Variants in MORN3 observed in about 807,000 individuals in gnomAD.
MORN3 encodes MORN repeat-containing protein 3.
In MORN3, 38 loss-of-function variants were observed where a neutral mutation model predicts 34.7. The ratio of observed to expected loss-of-function variants is 1.10; its 90% CI spans 0.85 to 1.44. The LOEUF is 1.44. MORN3 is among the 40% of genes most tolerant of loss of function. The pLI is 0.00. For missense variants in MORN3, 311 were observed against 321.7 expected (o/e 0.97, Z 0.25); for synonymous variants, 109 against 115.3 (o/e 0.95, Z 0.35).
intron 2 of MORN3, among the ~76,000 whole-genome samples, chr12:121,657,213 G>A (rs914090778): frequency 1.9e-4 from 29 of 152,116 alleles, no homozygotes; most frequent in Non-Finnish European, 2.9e-4. Context: ...TCTTGCCTGG[G>A]GACTAGATTG....
At chr12:121,660,343 C>T (rs75876641) in intron 1 of MORN3, among the ~76,000 whole-genome samples, 41 of 130,358 alleles carry the variant, frequency 3.1e-4, no homozygotes, top group Non-Finnish European at 5.6e-4. Context: ...CTTTTTTTTT[C>T]TTTCTTTCTT....
chr12:121,652,670 C>T, intron 5 of MORN3, 58 bp downstream of exon 5: 1 of 1,531,204 alleles, frequency 6.5e-7, no homozygotes, highest in Non-Finnish European at 9.0e-7. Flanking sequence ...GTGCATTGTT[C>T]TGGGCCCTGG....
At position 121,652,800 on chromosome 12, in the gene MORN3, G is replaced by A. The variant is rs782373555; in HGVS notation, c.657C>T (p.Ile219=). Residue 219 remains isoleucine (I), a synonymous_variant, in exon 5 of 6, where the codon ATC becomes ATT. Coordinates refer to ENST00000355329, the MANE Select transcript of MORN3 (RefSeq NM_173855.5). ...CCGCCAGCACACCATCAGGGTCTAG[G>A]ATTTTGACCTGGAGGGAAATACCAA... ...PTQFPIPEVK[I]LDPDGVLAEA... The A allele has an allele frequency of 2.5e-6, 4 of 1,614,238 alleles. No individual in the cohort carries two copies. In the South Asian group the frequency reaches 4.4e-5, roughly 18 times the overall value.
intron 1 of MORN3, among the ~76,000 whole-genome samples, chr12:121,665,147 A>G (rs1161253905): frequency 6.6e-6 from 1 of 151,938 alleles, no homozygotes; most frequent in African/African-American, 2.4e-5. Context: ...GGCATCCAAC[A>G]GTCGAGTTAG....
rs1403545319 is a variant in MORN3 at position 121,650,417 on chromosome 12, T to G, written c.*1234A>C. 1 of 148,496 alleles carries G rather than the reference T, an allele frequency of 6.7e-6. No individual in the cohort carries two copies. Among genetic ancestry groups the G allele is most frequent in the Non-Finnish European group, 1.5e-5 (1 of 67,658 alleles). 9.2% of individuals were successfully genotyped at this position (148,496 alleles called of 1,614,324 possible). On this transcript the variant is annotated 3_prime_UTR_variant, in exon 6 of 6. Transcript: ENST00000355329. ...GGCAGGTGCCTGTAATCCCAGCTAC[T>G]TGGGAGGCTGAGGCAGGATAATCGC...
At chr12:121,670,272 C>G (rs1240774228), upstream of MORN3, among the ~76,000 whole-genome samples, 2 of 152,044 alleles carry the variant, frequency 1.3e-5, no homozygotes, top group Non-Finnish European at 2.9e-5. Flanking sequence ...ATAGGCAGAG[C>G]AAAAGCTGGG....
intron 1 of MORN3, 112 bp downstream of exon 1, chr12:121,669,227 C>T: frequency 1.4e-6 from 2 of 1,427,580 alleles, no homozygotes; most frequent in Admixed American, 1.8e-5. Flanking sequence ...CCTGGGGGAG[C>T]CTTGGGGACA....
chr12:121,669,175 C>T (rs1893867855), intron 1 of MORN3, among the ~76,000 whole-genome samples, 164 bp downstream of exon 1: 1 of 152,192 alleles, frequency 6.6e-6, no homozygotes, highest in Non-Finnish European at 1.5e-5. Context: ...TTCAGAAGCC[C>T]CAGCATGTGA....
At chr12:121,657,158 A>G (rs1482631123) in intron 2 of MORN3, among the ~76,000 whole-genome samples, 1 of 152,228 alleles carries the variant, frequency 6.6e-6, no homozygotes, top group African/African-American at 2.4e-5. Flanking sequence ...CTTATAGTTT[A>G]TAGTTTAAAC....
At chr12:121,664,615 C>T (rs948281782) in intron 1 of MORN3, among the ~76,000 whole-genome samples, 1 of 152,052 alleles carries the variant, frequency 6.6e-6, no homozygotes, top group African/African-American at 2.4e-5. Context: ...AAAAATTAAC[C>T]GGGCATGGTA....
chr12:121,662,742 CT>C (rs1893621103), intron 1 of MORN3, among the ~76,000 whole-genome samples: 1 of 141,236 alleles, frequency 7.1e-6, no homozygotes, highest in African/African-American at 2.7e-5. Context: ...AAGAGTGAGA[CT>C]GAAAAAAAAA....
At chr12:121,672,136 G>A (rs935941780), upstream of MORN3, among the ~76,000 whole-genome samples, 1 of 152,160 alleles carries the variant, frequency 6.6e-6, no homozygotes, top group African/African-American at 2.4e-5. Context: ...GGAAATGAAA[G>A]TCGGCCCAGG....
chr12:121,653,376 G>A, intron 3 of MORN3, 117 bp from the exon 4 acceptor site: 1 of 1,056,696 alleles, frequency 9.5e-7, no homozygotes, highest in Non-Finnish European at 1.3e-6. Flanking sequence ...CAAGATGGGA[G>A]GCTCATAAGC....
In MORN3 at chr12:121,652,720, C is replaced by T; in HGVS notation, c.*6+8G>A. The stretch of plus-strand genomic sequence containing the variant: ...CATCAGAACTTGGCAGGTGTGCCCA[C>T]CCCTCACCTGGCATCAATCTCCTTC... On this transcript the variant is annotated splice_region_variant and intron_variant, in intron 5 of 5. Coordinates refer to ENST00000355329, the MANE Select transcript of MORN3 (RefSeq NM_173855.5). 1 of 1,613,134 alleles carries T rather than the reference C, an allele frequency of 6.2e-7. No homozygotes were observed. The highest frequency in any genetic ancestry group is 8.5e-7 in the Non-Finnish European group (1 of 1,179,082).
At chr12:121,672,316 T>G (rs1471597585), upstream of MORN3, among the ~76,000 whole-genome samples, 2 of 150,612 alleles carry the variant, frequency 1.3e-5, no homozygotes, top group African/African-American at 4.9e-5. Flanking sequence ...AAAAATTAGC[T>G]GGGCATGGTG....
upstream of MORN3, among the ~76,000 whole-genome samples, chr12:121,670,789 A>G (rs1893938449): frequency 6.7e-6 from 1 of 149,100 alleles, no homozygotes; most frequent in Non-Finnish European, 1.5e-5. Context: ...AGGTTGGGAG[A>G]CAGAGCAAGA....
At chr12:121,658,812 TC>T (rs1555325987) in intron 2 of MORN3, among the ~76,000 whole-genome samples, 1 of 151,926 alleles carries the variant, frequency 6.6e-6, no homozygotes, top group African/African-American at 2.4e-5. Flanking sequence ...CTCCCACTTT[TC>T]CTACCTCCCT....
intron 1 of MORN3, among the ~76,000 whole-genome samples, chr12:121,668,212 C>T (rs954879694): frequency 6.6e-5 from 10 of 151,758 alleles, no homozygotes; most frequent in African/African-American, 2.4e-4. Flanking sequence ...CTGCAAAGCA[C>T]TTAACCCAGC....
intron 1 of MORN3, among the ~76,000 whole-genome samples, chr12:121,665,215 T>C (rs1361784652): frequency 1.3e-5 from 2 of 149,024 alleles, no homozygotes; most frequent in African/African-American, 4.9e-5. Context: ...CTAACAGTAC[T>C]GGAGTACCTC....
Sources: gnomAD v4.1 joint callset for allele counts (sites outside exome capture counted in the v4.1 genomes callset) on GRCh38, gnomAD v4.1.1 for gene constraint, MANE v1.5 for transcripts, NCBI Gene and HGNC (gene_info 2026-07-23, HGNC 2026-07-21) for gene names.